EYA4: variants seen among roughly 807,000 people sequenced by gnomAD.
The protein encoded by EYA4 is EYA transcriptional coactivator and phosphatase 4.
In EYA4, 31 loss-of-function variants were observed where a neutral mutation model predicts 87.9. The observed-to-expected ratio is 0.35, with a 90% CI of 0.27 to 0.48. EYA4 has a LOEUF of 0.48. Among genes scored for constraint, EYA4 ranks in the 20% least tolerant of loss-of-function variants. The pLI is 0.99. For synonymous variants in EYA4, 263 were observed against 270.6 expected (o/e 0.97, Z 0.28); for missense variants, 678 against 761.4 (o/e 0.89, Z 1.29).
intron 3 of EYA4, among the ~76,000 whole-genome samples, chr6:133,403,281 A>G (rs1204818199): frequency 6.6e-6 from 1 of 152,220 alleles, no homozygotes; most frequent in African/African-American, 2.4e-5. Context: ...AACCATCTTG[A>G]TTTGTTTATA....
chr6:133,361,489 T>C (rs1784445588), intron 2 of EYA4, among the ~76,000 whole-genome samples: 1 of 152,188 alleles, frequency 6.6e-6, no homozygotes, highest in Non-Finnish European at 1.5e-5. Flanking sequence ...TTATTGTGAG[T>C]AATAAGTCTC....
At chr6:133,287,875 C>T (rs943035757) in intron 2 of EYA4, among the ~76,000 whole-genome samples, 1 of 152,134 alleles carries the variant, frequency 6.6e-6, no homozygotes, top group African/African-American at 2.4e-5. Flanking sequence ...TGGCTCATGC[C>T]TGTAATCCCA....
chr6:133,352,828 T>G (rs925421933), intron 2 of EYA4, among the ~76,000 whole-genome samples: 1 of 152,094 alleles, frequency 6.6e-6, no homozygotes, highest in South Asian at 2.1e-4. Context: ...CAAGACAGAA[T>G]GAAAGTTGGA....
intron 11 of EYA4, among the ~76,000 whole-genome samples, chr6:133,477,823 C>G (rs1193541618): frequency 1.3e-5 from 2 of 150,126 alleles, no homozygotes; most frequent in Admixed American, 1.3e-4. Context: ...GACACACACA[C>G]ACACACACAC....
chr6:133,458,918 A>T (rs954452405), intron 6 of EYA4, among the ~76,000 whole-genome samples: 9 of 152,148 alleles, frequency 5.9e-5, no homozygotes, highest in Non-Finnish European at 1.3e-4. Context: ...GAAATGATGG[A>T]ATGTAATGAG....
chr6:133,519,506 G>T (rs1039664719), intron 17 of EYA4, among the ~76,000 whole-genome samples: 7 of 151,540 alleles, frequency 4.6e-5, no homozygotes, highest in Non-Finnish European at 8.8e-5. Flanking sequence ...ATAATCCATA[G>T]CTTACCAACC....
chr6:133,469,423 G>C (rs960899949), intron 11 of EYA4, among the ~76,000 whole-genome samples: 8 of 151,940 alleles, frequency 5.3e-5, no homozygotes, highest in African/African-American at 1.9e-4. Context: ...AAATAAGAAC[G>C]AAGTTTGAAG....
At chr6:133,371,876 T>A (rs1028277819) in intron 2 of EYA4, among the ~76,000 whole-genome samples, 2 of 152,154 alleles carry the variant, frequency 1.3e-5, no homozygotes, top group African/African-American at 4.8e-5. Flanking sequence ...AAAGCCATTT[T>A]AATTGAGGTC....
At chr6:133,245,395 T>G (rs1562199695) in intron 1 of EYA4, among the ~76,000 whole-genome samples, 1 of 152,256 alleles carries the variant, frequency 6.6e-6, no homozygotes, top group Admixed American at 6.5e-5. Flanking sequence ...TGACAGTTTC[T>G]TTTTCTAAAT....
intron 2 of EYA4, among the ~76,000 whole-genome samples, chr6:133,347,670 C>T (rs1183574719): frequency 2.0e-5 from 3 of 152,166 alleles, no homozygotes; most frequent in Non-Finnish European, 4.4e-5. Context: ...TTTATTTACT[C>T]ACTTTAACTT....
chr6:133,515,212 G>A, intron 16 of EYA4, 109 bp from the exon 17 acceptor site: 1 of 742,462 alleles, frequency 1.3e-6, no homozygotes, highest in Non-Finnish European at 2.5e-6. Context: ...CTGCATTTCT[G>A]ATATATACTG....
At chr6:133,347,987 T>G (rs1403159774) in intron 2 of EYA4, among the ~76,000 whole-genome samples, 1 of 152,192 alleles carries the variant, frequency 6.6e-6, no homozygotes, top group Admixed American at 6.5e-5. Context: ...GCATATTGGA[T>G]AGGTCAAAGA....
chr6:133,344,950 T>TTC (rs1783082238), intron 2 of EYA4, among the ~76,000 whole-genome samples: 1 of 152,130 alleles, frequency 6.6e-6, no homozygotes, highest in African/African-American at 2.4e-5. Context: ...CCTTGAGATT[T>TTC]TCTTCTCTCT....
chr6:133,355,969 G>A (rs2128435699), intron 2 of EYA4, among the ~76,000 whole-genome samples: 1 of 151,998 alleles, frequency 6.6e-6, no homozygotes, highest in Middle Eastern at 3.4e-3. Flanking sequence ...CAAGATCAAG[G>A]TGCCAGCATG....
intron 13 of EYA4, among the ~76,000 whole-genome samples, chr6:133,495,501 G>A (rs1337083179): frequency 2.8e-5 from 3 of 106,704 alleles, no homozygotes; most frequent in Non-Finnish European, 5.9e-5. Flanking sequence ...AGAGAGGTAG[G>A]CAAGGGCTGG....
chr6:133,291,628 A>G (rs576376300), intron 2 of EYA4, among the ~76,000 whole-genome samples: 33 of 152,328 alleles, frequency 2.2e-4, no homozygotes, highest in Admixed American at 7.8e-4. Context: ...AGTTCAAAAT[A>G]AAAAGGCTTT....
chr6:133,436,618 G>A (rs1791706361), intron 3 of EYA4, among the ~76,000 whole-genome samples: 1 of 152,146 alleles, frequency 6.6e-6, no homozygotes, highest in South Asian at 2.1e-4. Context: ...GAGAATTGAG[G>A]CTTTTGTCAC....
intron 13 of EYA4, among the ~76,000 whole-genome samples, chr6:133,488,490 G>A (rs1445012207): frequency 2.0e-5 from 3 of 152,174 alleles, no homozygotes; most frequent in Non-Finnish European, 4.4e-5. Flanking sequence ...CACAGTCCCA[G>A]GGTGGTGGTC....
intron 2 of EYA4, among the ~76,000 whole-genome samples, chr6:133,363,708 C>T (rs1474853271): frequency 2.0e-5 from 3 of 152,082 alleles, no homozygotes; most frequent in Non-Finnish European, 2.9e-5. Context: ...ATCTTCTGAC[C>T]TCATGATCCG....
Sources: allele counts gnomAD v4.1 joint callset (sites outside exome capture counted in the v4.1 genomes callset), GRCh38; gene constraint gnomAD v4.1.1; transcripts MANE v1.5; gene names NCBI Gene and HGNC (gene_info 2026-07-23, HGNC 2026-07-21).